The following ULK2 variants were observed in gnomAD, a reference collection of about 807,000 sequenced individuals.
ULK2 encodes the protein serine/threonine-protein kinase ULK2.
ULK2 carries 76 observed loss-of-function variants against 127.5 expected under a neutral mutation model. The ratio of observed to expected loss-of-function variants is 0.60; its 90% CI spans 0.50 to 0.72. The LOEUF is 0.72. ULK2 is among the 30% of genes least tolerant of loss of function. ULK2 has a pLI of 0.00. For synonymous variants in ULK2, 452 were observed against 461.9 expected (o/e 0.98, Z 0.28); for missense variants, 1,144 against 1,295.9 (o/e 0.88, Z 1.80).
At position 19,782,045 on chromosome 17, in the gene ULK2, C is replaced by A; in HGVS notation, c.2483G>T (p.Arg828Leu). 2.5e-6 allele frequency: 4 copies of A among 1,613,778 alleles called. No individual in the cohort carries two copies. Among genetic ancestry groups the A allele is most frequent in the Non-Finnish European group, 3.4e-6 (4 of 1,179,954 alleles). ...GAACATCAGCATCACATTCAGATGG[C>A]GTAAGGTGTCTGTGTGTTCCCGCTG... ...LMEREHTDTL[R>L]HLNVMLMFTE... is the part of the protein sequence containing the mutation. Residue 828 changes from arginine (R) to leucine (L), a missense_variant, in exon 23 of 27, where the codon CGC (arginine) becomes CTC (leucine). Transcript: ENST00000395544.
chr17:19,850,842 T>C (rs187801837), intron 3 of ULK2, among the ~76,000 whole-genome samples: 63 of 151,800 alleles, frequency 4.2e-4, no homozygotes, highest in African/African-American at 1.4e-3. Context: ...AAAAAATATA[T>C]ATAGATAGGT....
At chr17:19,832,305 G>A (rs2041476130) in intron 10 of ULK2, among the ~76,000 whole-genome samples, 2 of 143,122 alleles carry the variant, frequency 1.4e-5, no homozygotes, top group South Asian at 4.4e-4. Context: ...GTCTCATTCT[G>A]TCACCCAGGC....
At chr17:19,805,945 G>A (rs1164358152) in intron 14 of ULK2, among the ~76,000 whole-genome samples, 1 of 152,156 alleles carries the variant, frequency 6.6e-6, no homozygotes, top group Non-Finnish European at 1.5e-5. Flanking sequence ...GCCATTTAGT[G>A]TGCTTCTATG....
chr17:19,847,049 C>G (rs1315672147), intron 5 of ULK2, 139 bp from the exon 6 acceptor site: 1 of 802,182 alleles, frequency 1.2e-6, no homozygotes, highest in Non-Finnish European at 1.8e-6. Context: ...ATTTTTTTAA[C>G]TTTAATAATT....
chr17:19,825,234 A>G (rs573878975), intron 11 of ULK2, 52 bp from the exon 12 acceptor site: 3 of 1,521,362 alleles, frequency 2.0e-6, no homozygotes, highest in South Asian at 2.3e-5. Flanking sequence ...CAGTCACATG[A>G]CCTGTATAAC....
At chr17:19,858,933 G>A (rs2042185783) in intron 3 of ULK2, among the ~76,000 whole-genome samples, 1 of 151,774 alleles carries the variant, frequency 6.6e-6, no homozygotes, top group Non-Finnish European at 1.5e-5. Flanking sequence ...TCGTGCCACT[G>A]CACTCCAACC....
In ULK2 at chr17:19,825,063, C is replaced by T. The variant is rs529629234; in HGVS notation, c.924+31G>A. The T allele has an allele frequency of 1.3e-5, 21 of 1,595,768 alleles. No homozygotes were observed. The Admixed American group carries it at 3.2e-4, about 24-fold the overall frequency. ...GAGAAAAGATGTAATAGCACTAACTCTGAAATTATTTTTAATAAACTGTAA... is the reference window on the plus strand; with the variant it reads ...GAGAAAAGATGTAATAGCACTAACTTTGAAATTATTTTTAATAAACTGTAA... On this transcript the variant is annotated intron_variant, in intron 12 of 26. Transcript: ENST00000395544.
chr17:19,820,783 C>T (rs1327366389), intron 12 of ULK2, among the ~76,000 whole-genome samples: 2 of 152,132 alleles, frequency 1.3e-5, no homozygotes, highest in East Asian at 3.8e-4. Context: ...CTCAAACAAT[C>T]CCCTCTTTTT....
Position 19,801,902 on chromosome 17 carries a change from G to A in ULK2, c.1316C>T (p.Ser439Phe), listed in dbSNP as rs1240661115. 1.2e-6 allele frequency: 2 copies of A among 1,612,116 alleles called. No homozygotes were observed. The highest frequency in any genetic ancestry group is 1.7e-6 in the Non-Finnish European group (2 of 1,179,578). Residue 439 changes from serine (S) to phenylalanine (F), a missense_variant, in exon 16 of 27, where the codon TCC becomes TTC. By Grantham distance (155) the Ser-to-Phe change is radical. Transcript: ENST00000395544. ...GSPRSAVVRR[S>F]NTSPMGFLRP... ...GAGGAAGCCCATGGGGCTGGTGTTG[G>A]ACCTTCGTACCACTGCAGATCTGAA...
intron 17 of ULK2, among the ~76,000 whole-genome samples, chr17:19,798,219 T>C (rs759552204): frequency 6.6e-6 from 1 of 152,248 alleles, no homozygotes; most frequent in Non-Finnish European, 1.5e-5. Context: ...TCTGAGATTT[T>C]ACTTTGTGTA....
chr17:19,819,606 T>C (rs2041085921), intron 12 of ULK2, among the ~76,000 whole-genome samples: 1 of 152,192 alleles, frequency 6.6e-6, no homozygotes, highest in African/African-American at 2.4e-5. Context: ...GATCCCTTTG[T>C]TCACTTGCCT....
chr17:19,848,542 G>A (rs2041945478), intron 5 of ULK2, among the ~76,000 whole-genome samples: 2 of 152,296 alleles, frequency 1.3e-5, no homozygotes, highest in Admixed American at 6.5e-5. Context: ...ACTTTGGGAG[G>A]CTGAGGCGGG....
chr17:19,779,694 A>G (rs751455297), intron 25 of ULK2, among the ~76,000 whole-genome samples: 6 of 152,082 alleles, frequency 3.9e-5, no homozygotes, highest in Non-Finnish European at 8.8e-5. Flanking sequence ...AAACCAGAAA[A>G]TAGGAAAAGA....
rs2086783582 is a variant in ULK2, at chr17:19,774,602, C to T, written c.*1747G>A. The T allele has an allele frequency of 6.6e-6, 1 of 152,156 alleles. No individual in the cohort carries two copies. Among genetic ancestry groups the T allele is most frequent in the South Asian group, 2.1e-4 (1 of 4,832 alleles). The allele number at this position is 152,156 out of a possible 1,614,324, so 9.4% of individuals were successfully genotyped here. On this transcript the variant is annotated 3_prime_UTR_variant, in exon 27 of 27. Transcript: ENST00000395544. ...AATAGGGTTGTGGAGGTAAAACAGT[C>T]TATGTTCCTGGAAGCCTGCATGACA...
chr17:19,783,845 G>C lies in ULK2; in HGVS notation c.2312C>G (p.Ser771Cys). The C allele has an allele frequency of 1.3e-6, 2 of 1,594,754 alleles. No individual in the cohort carries two copies. Among genetic ancestry groups the C allele is most frequent in the South Asian group, 1.1e-5 (1 of 87,170 alleles). Residue 771 changes from serine (S) to cysteine (C), a missense_variant, in exon 22 of 27, where the codon TCC (serine) becomes TGC (cysteine). By Grantham distance (112) the Ser-to-Cys change is moderately radical (BLOSUM62 -1). Around this residue, in one of 2 missense-constraint regions of ULK2, gnomAD observed 913 missense variants for 970.5 expected, o/e 0.94. Coordinates refer to ENST00000395544, the MANE Select transcript of ULK2 (RefSeq NM_014683.4). ...AGAGCCGAAGCCTGGGCCAGGCGGGGACCCCACGCACACGCGGCCACTCAT... is the reference window on the plus strand; with the variant it reads ...AGAGCCGAAGCCTGGGCCAGGCGGGCACCCCACGCACACGCGGCCACTCAT... ...CAMSGRVCVG[S>C]PPGPGFGSSP...
chr17:19,782,665 A>G (rs1351396157), intron 22 of ULK2, among the ~76,000 whole-genome samples: 1 of 152,000 alleles, frequency 6.6e-6, no homozygotes, highest in African/African-American at 2.4e-5. Flanking sequence ...CCTGTAATCC[A>G]AGCACTTTGG....
intron 3 of ULK2, among the ~76,000 whole-genome samples, chr17:19,860,268 G>GC (rs2042214263): frequency 6.6e-6 from 1 of 152,114 alleles, no homozygotes; most frequent in South Asian, 2.1e-4. Context: ...GTGGGAAAAT[G>GC]CATTTCTTTT....
intron 20 of ULK2, among the ~76,000 whole-genome samples, chr17:19,793,474 TCAC>T (rs1329254857): frequency 6.6e-6 from 1 of 152,156 alleles, no homozygotes; most frequent in Non-Finnish European, 1.5e-5. Flanking sequence ...CTGGATCCCT[TCAC>T]CACATCATCC....
chr17:19,850,368 C>T (rs531035398), intron 3 of ULK2, among the ~76,000 whole-genome samples: 36 of 152,236 alleles, frequency 2.4e-4, no homozygotes, highest in African/African-American at 7.7e-4. Flanking sequence ...GAATTGAGGG[C>T]TCTTAAAAAG....
Sources: allele counts gnomAD v4.1 joint callset (sites outside exome capture counted in the v4.1 genomes callset), GRCh38; gene constraint gnomAD v4.1.1; regional missense constraint gnomAD v4.1.1; transcripts MANE v1.5; gene names NCBI Gene and HGNC (gene_info 2026-07-23, HGNC 2026-07-21).